LRP1B: variants seen among roughly 807,000 people sequenced by gnomAD.
The protein encoded by LRP1B is low-density lipoprotein receptor-related protein 1B.
A neutral mutation model predicts 556.6 loss-of-function variants in LRP1B; 217 were observed. That is an observed-to-expected ratio of 0.39 (90% CI 0.35 to 0.44). LRP1B has a LOEUF of 0.44. Among genes scored for constraint, LRP1B ranks in the 20% least tolerant of loss-of-function variants. The pLI is 1.00. For synonymous variants in LRP1B, 2,047 were observed against 1,865.8 expected (o/e 1.10, Z -2.50); for missense variants, 5,053 against 5,620.8 (o/e 0.90, Z 3.23).
intron 47 of LRP1B, 35 bp downstream of exon 47, chr2:140,533,986 A>T (rs745996930): frequency 1.9e-5 from 30 of 1,610,726 alleles, no homozygotes; most frequent in Non-Finnish European, 2.5e-5. Context: ...CACTTAGCAC[A>T]CCAATATTCT....
chr2:141,619,206 G>A (rs1287718040), intron 2 of LRP1B, among the ~76,000 whole-genome samples: 1 of 152,022 alleles, frequency 6.6e-6, no homozygotes, highest in Non-Finnish European at 1.5e-5. Flanking sequence ...TAATCATAGG[G>A]CCTGATCTTG....
At chr2:140,624,571 C>T (rs1245257609) in intron 41 of LRP1B, among the ~76,000 whole-genome samples, 2 of 151,978 alleles carry the variant, frequency 1.3e-5, no homozygotes, top group African/African-American at 4.8e-5. Context: ...CTAGATATTC[C>T]CTAAGTCATT....
At chr2:141,809,309 G>T (rs1042065589) in intron 2 of LRP1B, among the ~76,000 whole-genome samples, 1 of 152,136 alleles carries the variant, frequency 6.6e-6, no homozygotes, top group Middle Eastern at 3.4e-3. Flanking sequence ...ACTTGTAAAT[G>T]GAAAGATGAA....
At chr2:140,514,536 G>GAAAAACA in intron 51 of LRP1B, 117 bp downstream of exon 51, 1 of 845,120 alleles carries the variant, frequency 1.2e-6, no homozygotes, top group African/African-American at 1.7e-5. Context: ...TACCTAGAAA[G>GAAAAACA]GTACACATAA....
rs567475637 is a variant in LRP1B at position 140,301,683 on chromosome 2, T to C, written c.12806-3714A>G. ...GCTCAATGTGAATGTATTCCTCATATAAACTGATTTTAATTATTTGGTGGT... is the reference window on the plus strand; with the variant it reads ...GCTCAATGTGAATGTATTCCTCATACAAACTGATTTTAATTATTTGGTGGT... On this transcript the variant is annotated intron_variant, in intron 83 of 90. Coordinates refer to ENST00000389484, the MANE Select transcript of LRP1B (RefSeq NM_018557.3). Among the ~76,000 whole-genome samples, 24 of 152,104 alleles carry C rather than the reference T, an allele frequency of 1.6e-4. No homozygotes were observed. In the South Asian group the frequency reaches 5.0e-3, roughly 32 times the overall value.
intron 2 of LRP1B, among the ~76,000 whole-genome samples, chr2:141,775,213 C>T (rs1369809619): frequency 3.3e-5 from 5 of 152,164 alleles, no homozygotes; most frequent in Non-Finnish European, 7.3e-5. Flanking sequence ...TTTTCATTGT[C>T]TTGGAGCTAT....
intron 11 of LRP1B, among the ~76,000 whole-genome samples, chr2:141,021,766 T>C (rs999556258): frequency 2.0e-5 from 3 of 151,982 alleles, no homozygotes; most frequent in African/African-American, 7.2e-5. Context: ...GAAACTTTTG[T>C]TTCTGACACT....
At chr2:141,176,463 T>A (rs1448821116) in intron 7 of LRP1B, among the ~76,000 whole-genome samples, 3 of 152,014 alleles carry the variant, frequency 2.0e-5, no homozygotes, top group East Asian at 3.9e-4. Context: ...CCTTGGTCTC[T>A]CTCTCACCAC....
At chr2:141,629,731 C>T (rs1222857305) in intron 2 of LRP1B, among the ~76,000 whole-genome samples, 1 of 151,966 alleles carries the variant, frequency 6.6e-6, no homozygotes, top group Non-Finnish European at 1.5e-5. Flanking sequence ...TTTAACCAAC[C>T]ATTTTGGGAA....
At chr2:141,096,141 T>C (rs575514339) in intron 7 of LRP1B, among the ~76,000 whole-genome samples, 79 of 152,284 alleles carry the variant, frequency 5.2e-4, no homozygotes, top group African/African-American at 1.4e-3. Flanking sequence ...CCTATTATAC[T>C]TCCCCATGCC....
In LRP1B at chr2:141,606,102, T is replaced by C. The variant is rs140016735; in HGVS notation, c.206-125569A>G. Among the ~76,000 whole-genome samples, 857 of 152,308 alleles carry C rather than the reference T, an allele frequency of 5.6e-3. 10 individuals carry two copies. The highest frequency in any genetic ancestry group is 0.019 in the African/African-American group (809 of 41,564). ...CAAGAGATGCTTTTCTCATCTCAGC[T>C]CTTTTAAGCACACCATGATGCTCTT... On this transcript the variant is annotated intron_variant, in intron 2 of 90. Coordinates refer to ENST00000389484, the MANE Select transcript of LRP1B (RefSeq NM_018557.3).
At chr2:140,762,101 C>T (rs567758895) in intron 35 of LRP1B, among the ~76,000 whole-genome samples, 17 of 152,150 alleles carry the variant, frequency 1.1e-4, no homozygotes, top group East Asian at 5.8e-4. Context: ...CATATTTTCA[C>T]GATTCTCTCA....
chr2:141,497,674 A>G (rs945037840), intron 2 of LRP1B, among the ~76,000 whole-genome samples: 11 of 152,032 alleles, frequency 7.2e-5, no homozygotes, highest in African/African-American at 2.7e-4. Flanking sequence ...AGCTATAAAA[A>G]TGCTTAAAGA....
intron 2 of LRP1B, among the ~76,000 whole-genome samples, chr2:141,651,063 A>G (rs981829001): frequency 2.6e-5 from 4 of 152,214 alleles, no homozygotes; most frequent in Non-Finnish European, 2.9e-5. Context: ...TGGAGAAAGG[A>G]AGCTAAAGTG....
rs150366199 is a variant in LRP1B at position 141,058,969 on chromosome 2, C to T, written c.1322G>A (p.Arg441Gln). 3 of 1,597,444 alleles carry T rather than the reference C, an allele frequency of 1.9e-6. No homozygotes were observed. The highest frequency in any genetic ancestry group is 1.7e-5 in the Admixed American group (1 of 58,212). ...TGAGTGAATATCAGTCCCATTAAAT[C>T]GGTTTATCCTTACGATATTGTAGTT... ...SDNYNIVRIN[R>Q]FNGTDIHSLI... is the part of the protein sequence containing the mutation. The change falls in exon 9 of 91, where the codon CGA becomes CAA. Residue 441 changes from arginine (R) to glutamine (Q), a missense_variant. Around this residue, in one of 5 missense-constraint regions of LRP1B, gnomAD observed 3,619 missense variants for 3,931.9 expected, o/e 0.92. Coordinates refer to ENST00000389484, the MANE Select transcript of LRP1B (RefSeq NM_018557.3).
intron 2 of LRP1B, among the ~76,000 whole-genome samples, chr2:141,652,952 A>G (rs1376697987): frequency 6.6e-6 from 1 of 152,168 alleles, no homozygotes; most frequent in Admixed American, 6.6e-5. Flanking sequence ...GGGTGTTTGT[A>G]GGTGGGATAA....
intron 67 of LRP1B, among the ~76,000 whole-genome samples, chr2:140,385,461 G>T (rs1330961772): frequency 6.6e-6 from 1 of 152,134 alleles, no homozygotes; most frequent in Non-Finnish European, 1.5e-5. Context: ...ACTGTAGAGA[G>T]AATAAGTGAT....
intron 3 of LRP1B, among the ~76,000 whole-genome samples, chr2:141,312,265 A>G (rs1248308232): frequency 6.6e-6 from 1 of 151,906 alleles, no homozygotes; most frequent in African/African-American, 2.4e-5. Context: ...TCTTCAACCT[A>G]CTCAATGTGA....
chr2:141,475,256 A>G (rs957293817), intron 3 of LRP1B, among the ~76,000 whole-genome samples: 4 of 152,150 alleles, frequency 2.6e-5, no homozygotes, highest in Non-Finnish European at 5.9e-5. Context: ...AATCCCAGCT[A>G]CTTGGGACAC....
Sources: gnomAD v4.1 joint callset for allele counts (sites outside exome capture counted in the v4.1 genomes callset) on GRCh38, gnomAD v4.1.1 for gene constraint, gnomAD v4.1.1 regional missense constraint, MANE v1.5 for transcripts, NCBI Gene and HGNC (gene_info 2026-07-23, HGNC 2026-07-21) for gene names.